DENND5B: variants seen among roughly 807,000 people sequenced by gnomAD.
DENND5B encodes the protein DENN domain-containing protein 5B.
In DENND5B, 34 loss-of-function variants were observed where a neutral mutation model predicts 140.6. The ratio of observed to expected loss-of-function variants is 0.24; its 90% CI spans 0.18 to 0.32. DENND5B has a LOEUF of 0.32. DENND5B is among the 10% of genes least tolerant of loss of function. DENND5B has a pLI of 1.00. For synonymous variants in DENND5B, 551 were observed against 562.1 expected (o/e 0.98, Z 0.28); for missense variants, 1,142 against 1,560.2 (o/e 0.73, Z 4.52).
At chr12:31,414,725 C>A (rs1360190180) in intron 12 of DENND5B, among the ~76,000 whole-genome samples, 1 of 151,866 alleles carries the variant, frequency 6.6e-6, no homozygotes, top group East Asian at 1.9e-4. Context: ...GAGGTCAGAT[C>A]GAGACCATCC....
intron 1 of DENND5B, among the ~76,000 whole-genome samples, chr12:31,515,624 A>G (rs551606800): frequency 5.1e-4 from 77 of 152,318 alleles, no homozygotes; most frequent in Non-Finnish European, 9.0e-4. Flanking sequence ...CCCATTTTGT[A>G]TGAAGGAATG....
rs373821707 is a variant in DENND5B at position 31,480,074 on chromosome 12, T to C, written c.419A>G (p.Asn140Ser). Residue 140 changes from asparagine (N) to serine (S), a missense_variant, in exon 3 of 21, where the codon AAC becomes AGC. Transcript: ENST00000389082. ...TAMQTLYQMH[N>S]AEHYSSVYAS... Reference sequence around the variant, plus strand: ...ATACACACTGCTGTAATGCTCAGCGTTGTGCATCTGGTAAAGTGTCTGCAT... The same window carrying C: ...ATACACACTGCTGTAATGCTCAGCGCTGTGCATCTGGTAAAGTGTCTGCAT... 24 of 1,613,828 alleles carry C rather than the reference T, an allele frequency of 1.5e-5. 1 individual carries two copies. The highest frequency in any genetic ancestry group is 2.5e-6 in the Non-Finnish European group (3 of 1,179,894).
In DENND5B at chr12:31,433,169, T is replaced by C; in HGVS notation, c.2092A>G (p.Asn698Asp). The change falls in exon 8 of 21, where the codon AAC becomes GAC. Residue 698 changes from asparagine to aspartate, a missense_variant. Physicochemically the swap from Asn to Asp is conservative, Grantham distance 23 (BLOSUM62 1). Coordinates refer to ENST00000389082, the MANE Select transcript of DENND5B (RefSeq NM_144973.4). ...RQHSEHVGLD[N>D]DLREKYMQEA... is the part of the protein sequence containing the mutation. ...AGACCACATACCTCCCTCAAGTCGT[T>C]GTCCAGCCCAACATGCTCAGAATGC... 1.2e-6 allele frequency: 2 copies of C among 1,613,956 alleles called. No homozygotes were observed. Among genetic ancestry groups the C allele is most frequent in the Non-Finnish European group, 1.7e-6 (2 of 1,179,868 alleles).
chr12:31,524,075 T>G (rs1255475534), intron 1 of DENND5B, among the ~76,000 whole-genome samples: 8 of 143,536 alleles, frequency 5.6e-5, no homozygotes, highest in African/African-American at 1.9e-4. Flanking sequence ...GATCATGTCA[T>G]AGAAACATTG....
At chr12:31,406,177 T>A (rs545306925) in intron 14 of DENND5B, among the ~76,000 whole-genome samples, 1 of 152,122 alleles carries the variant, frequency 6.6e-6, no homozygotes, top group Non-Finnish European at 1.5e-5. Context: ...AGAATCAATA[T>A]TTGTTGTTAT....
At chr12:31,522,649 A>G (rs1243028972) in intron 1 of DENND5B, among the ~76,000 whole-genome samples, 1 of 151,896 alleles carries the variant, frequency 6.6e-6, no homozygotes, top group African/African-American at 2.4e-5. Context: ...TCACCACGTT[A>G]CCCCGGCTGG....
chr12:31,449,480 C>T (rs1944412718), intron 5 of DENND5B, among the ~76,000 whole-genome samples: 1 of 152,088 alleles, frequency 6.6e-6, no homozygotes, highest in African/African-American at 2.4e-5. Context: ...CCCTCATAAA[C>T]TATAAAATTT....
At chr12:31,518,089 T>C (rs1300139769) in intron 1 of DENND5B, among the ~76,000 whole-genome samples, 1 of 152,142 alleles carries the variant, frequency 6.6e-6, no homozygotes, top group Non-Finnish European at 1.5e-5. Flanking sequence ...GGAAAGAGCT[T>C]TATAAACTGA....
chr12:31,436,900 T>C (rs1254501867), intron 7 of DENND5B, among the ~76,000 whole-genome samples: 3 of 152,198 alleles, frequency 2.0e-5, no homozygotes, highest in Non-Finnish European at 4.4e-5. Context: ...TGAGCCTTTG[T>C]CCATGAAGTT....
At chr12:31,586,626 C>T (rs1950400566) in intron 1 of DENND5B, among the ~76,000 whole-genome samples, 1 of 152,084 alleles carries the variant, frequency 6.6e-6, no homozygotes, top group Non-Finnish European at 1.5e-5. Context: ...CATTTGAAGC[C>T]TTGATAAGTT....
chr12:31,566,023 T>C (rs966386852), intron 1 of DENND5B, among the ~76,000 whole-genome samples: 5 of 152,064 alleles, frequency 3.3e-5, no homozygotes, highest in African/African-American at 1.2e-4. Context: ...CATGCACCTG[T>C]AGTCCCAACT....
chr12:31,481,357 G>C (rs1946060959), intron 2 of DENND5B, among the ~76,000 whole-genome samples: 1 of 152,110 alleles, frequency 6.6e-6, no homozygotes, highest in Non-Finnish European at 1.5e-5. Flanking sequence ...ATGGTGGGAA[G>C]GACAGACATG....
rs772159819 is a variant in DENND5B at position 31,457,718 on chromosome 12, C to CT, written c.1092+2475dup. 5.6e-3 allele frequency among the ~76,000 whole-genome samples: 800 copies of CT among 144,104 alleles called. 6 individuals carry two copies. Among genetic ancestry groups the CT allele is most frequent in the African/African-American group, 0.014 (537 of 39,724 alleles). 94.5% of individuals were successfully genotyped at this position (144,104 alleles called of 152,430 possible). ...CACAGAAGCACTGCTATTTTCTTTT[C>CT]TTTTTTTTTTTTTGAGATGGAGTCT... is the stretch of plus-strand genomic sequence containing the variant. On this transcript the variant is annotated intron_variant, in intron 4 of 20. Transcript: ENST00000389082.
chr12:31,458,409 T>C (rs1944878085), intron 4 of DENND5B, among the ~76,000 whole-genome samples: 1 of 152,214 alleles, frequency 6.6e-6, no homozygotes, highest in Non-Finnish European at 1.5e-5. Flanking sequence ...AGTCTATTTC[T>C]TTTTCCTTGA....
intron 1 of DENND5B, among the ~76,000 whole-genome samples, chr12:31,512,162 G>C (rs147489987): frequency 6.6e-6 from 1 of 151,464 alleles, no homozygotes; most frequent in Non-Finnish European, 1.5e-5. Flanking sequence ...TGATCTGCCC[G>C]CCTCGGCCTC....
intron 9 of DENND5B, among the ~76,000 whole-genome samples, chr12:31,425,615 A>G (rs995999845): frequency 6.6e-6 from 1 of 152,258 alleles, no homozygotes; most frequent in Non-Finnish European, 1.5e-5. Context: ...GTTAATTTGC[A>G]TCAGTCTTAG....
chr12:31,452,090 T>C lies in DENND5B; in HGVS notation c.1479A>G (p.Leu493=), dbSNP rs912889368. 4 of 1,614,018 alleles carry C rather than the reference T, an allele frequency of 2.5e-6. No homozygotes were observed. The highest frequency in any genetic ancestry group is 3.4e-6 in the Non-Finnish European group (4 of 1,179,902). Residue 493 remains leucine, a synonymous_variant, in exon 5 of 21, where the codon CTA becomes CTG. Coordinates refer to ENST00000389082, the MANE Select transcript of DENND5B (RefSeq NM_144973.4). The part of the protein sequence containing the change: ...DLKLHCEEAE[L]RDYQLNVQLR... The stretch of plus-strand genomic sequence containing the variant: ...GCTGTACATTGAGCTGGTAGTCCCT[T>C]AGTTCTGCCTCTTCACAATGCAGTT...
chr12:31,475,970 A>G (rs151308740), intron 3 of DENND5B, among the ~76,000 whole-genome samples: 2,883 of 151,930 alleles, frequency 0.019, 44 homozygotes, highest in Middle Eastern at 0.031. Context: ...CTAAAAATAC[A>G]AAGAAATTAG....
chr12:31,504,026 A>G (rs1196457516), intron 1 of DENND5B, among the ~76,000 whole-genome samples: 1 of 152,212 alleles, frequency 6.6e-6, no homozygotes, highest in African/African-American at 2.4e-5. Context: ...ACATATTCAA[A>G]TATTTCATCC....
Sources: gnomAD v4.1 joint callset for allele counts (sites outside exome capture counted in the v4.1 genomes callset) on GRCh38, gnomAD v4.1.1 for gene constraint, MANE v1.5 for transcripts, NCBI Gene and HGNC (gene_info 2026-07-23, HGNC 2026-07-21) for gene names.